The following PIERCE2 variants were observed in gnomAD, a reference collection of about 807,000 sequenced individuals.
PIERCE2 encodes piercer of microtubule wall 2 protein.
the PIERCE2 span, among the ~76,000 whole-genome samples, chr15:55,415,502 G>A: frequency 6.6e-6 from 1 of 151,048 alleles, no homozygotes; most frequent in East Asian, 1.9e-4. Flanking sequence ...GGCTTTATTC[G>A]GCCATTCGGC....
At chr15:55,408,771 G>A in the PIERCE2 span, 7 of 1,526,114 alleles carry the variant, frequency 4.6e-6, no homozygotes, top group Non-Finnish European at 6.1e-6. Context: ...GAGCGAAAAT[G>A]ACAGACCGCA....
At chr15:55,412,259 G>A in the PIERCE2 span, among the ~76,000 whole-genome samples, 10 of 152,174 alleles carry the variant, frequency 6.6e-5, no homozygotes, top group African/African-American at 2.4e-4. Flanking sequence ...TAAAGTATGA[G>A]AACCTAGGTC....
At chr15:55,413,405 CAG>C in the PIERCE2 span, among the ~76,000 whole-genome samples, 1 of 152,196 alleles carries the variant, frequency 6.6e-6, no homozygotes, top group South Asian at 2.1e-4. Flanking sequence ...GCCTGAGTGA[CAG>C]AGAAAAACTT....
the PIERCE2 span, among the ~76,000 whole-genome samples, chr15:55,416,081 T>G: frequency 5.9e-5 from 9 of 151,300 alleles, no homozygotes; most frequent in Admixed American, 1.3e-4. Context: ...AGTTTGTTGG[T>G]TTTTTTAAAC....
chr15:55,408,685 A>T, the PIERCE2 span: 1 of 863,488 alleles, frequency 1.2e-6, no homozygotes, highest in Non-Finnish European at 1.8e-6. Flanking sequence ...TTAAAAGGCC[A>T]CGTCCCTAGG....
the PIERCE2 span, among the ~76,000 whole-genome samples, chr15:55,415,008 T>C: frequency 6.6e-6 from 1 of 152,248 alleles, no homozygotes; most frequent in Non-Finnish European, 1.5e-5. Context: ...CAGTTTGTAA[T>C]TATTCTGACA....
chr15:55,418,287 G>T, the PIERCE2 span: 1 of 1,550,932 alleles, frequency 6.4e-7, no homozygotes, highest in South Asian at 1.2e-5. Flanking sequence ...CTGCCTCCTT[G>T]TGTGAACCCT....
chr15:55,410,886 A>C, the PIERCE2 span: 5 of 152,208 alleles, frequency 3.3e-5, no homozygotes, highest in Non-Finnish European at 1.5e-5. Context: ...ATACCATCAA[A>C]ATTTTAAAAT....
At chr15:55,410,836 G>C in the PIERCE2 span, 1 of 152,170 alleles carries the variant, frequency 6.6e-6, no homozygotes, top group East Asian at 1.9e-4. Context: ...CCCCTGTGCT[G>C]AGGAAACCTA....
chr15:55,413,998 C>T, the PIERCE2 span, among the ~76,000 whole-genome samples: 132 of 151,020 alleles, frequency 8.7e-4, 2 homozygotes, highest in South Asian at 0.027. Context: ...CCCAGGTTCA[C>T]GCCATTCTCC....
At chr15:55,412,936 C>T in the PIERCE2 span, among the ~76,000 whole-genome samples, 1 of 152,052 alleles carries the variant, frequency 6.6e-6, no homozygotes, top group Non-Finnish European at 1.5e-5. Flanking sequence ...TCAAGACCAG[C>T]CTGGGCAACA....
the PIERCE2 span, among the ~76,000 whole-genome samples, chr15:55,416,387 C>T: frequency 6.6e-6 from 1 of 152,218 alleles, no homozygotes; most frequent in South Asian, 2.1e-4. Flanking sequence ...AGGTGTGAGC[C>T]ATTGCGCCTG....
the PIERCE2 span, among the ~76,000 whole-genome samples, chr15:55,412,535 A>G: frequency 1.3e-5 from 2 of 152,208 alleles, no homozygotes; most frequent in Admixed American, 6.5e-5. Flanking sequence ...TATTTGATTC[A>G]TATTTTCAGT....
the PIERCE2 span, chr15:55,418,531 C>A: frequency 1.3e-6 from 2 of 1,512,374 alleles, no homozygotes; most frequent in Middle Eastern, 1.7e-4. Context: ...CTGACAGAAC[C>A]AGAACTCTTG....
chr15:55,409,142 A>G, the PIERCE2 span, among the ~76,000 whole-genome samples: 1 of 152,204 alleles, frequency 6.6e-6, no homozygotes, highest in African/African-American at 2.4e-5. Flanking sequence ...CCGGGGCTCA[A>G]CGCCTGTAAT....
chr15:55,417,878 A>C, the PIERCE2 span: 1 of 368,356 alleles, frequency 2.7e-6, no homozygotes, highest in African/African-American at 2.1e-5. Flanking sequence ...ATGGAAAATT[A>C]CAGTCAAAGG....
At chr15:55,410,032 T>G in the PIERCE2 span, among the ~76,000 whole-genome samples, 1 of 140,878 alleles carries the variant, frequency 7.1e-6, no homozygotes, top group African/African-American at 2.5e-5. Flanking sequence ...GAACTCCACA[T>G]TTTAAGAATA....
At chr15:55,418,486 T>TG in the PIERCE2 span, 1 of 1,528,948 alleles carries the variant, frequency 6.5e-7, no homozygotes, top group Non-Finnish European at 8.8e-7. Context: ...TCAGAGCAAC[T>TG]GGATTTTATC....
chr15:55,414,444 C>T, the PIERCE2 span, among the ~76,000 whole-genome samples: 3 of 148,584 alleles, frequency 2.0e-5, no homozygotes, highest in Admixed American at 2.1e-4. Context: ...CTCCTGACCT[C>T]AGGTGATCCA....
Sources: allele counts gnomAD v4.1 joint callset (sites outside exome capture counted in the v4.1 genomes callset), GRCh38; gene constraint gnomAD v4.1.1; transcripts MANE v1.5; gene names NCBI Gene and HGNC (gene_info 2026-07-23, HGNC 2026-07-21).